The following DYNC2I1 variants were observed in gnomAD, a reference collection of about 807,000 sequenced individuals.
DYNC2I1 encodes dynein 2 intermediate chain 1, also known as cytoplasmic dynein 2 intermediate chain 1.
In DYNC2I1, 89 loss-of-function variants were observed where a neutral mutation model predicts 133.4. That is an observed-to-expected ratio of 0.67 (90% CI 0.56 to 0.80). The LOEUF (loss-of-function observed/expected upper bound fraction) is 0.80. DYNC2I1 is among the 30% of genes least tolerant of loss of function. The pLI is 0.00. For synonymous variants in DYNC2I1, 504 were observed against 484.3 expected (o/e 1.04, Z -0.54); for missense variants, 1,291 against 1,314.5 (o/e 0.98, Z 0.28).
chr7:158,914,800 C>T (rs923229096), intron 14 of DYNC2I1, among the ~76,000 whole-genome samples: 3 of 152,188 alleles, frequency 2.0e-5, no homozygotes, highest in Admixed American at 6.5e-5. Context: ...ACCCCCCTGC[C>T]CACTCCACCA....
intron 24 of DYNC2I1, among the ~76,000 whole-genome samples, chr7:158,942,641 T>G (rs144583447): frequency 9.5e-4 from 145 of 152,382 alleles, no homozygotes; most frequent in African/African-American, 3.4e-3. Flanking sequence ...TATGTTCCTT[T>G]GCCAATCTTA....
At chr7:158,851,124 A>C in the DYNC2I1 span, among the ~76,000 whole-genome samples, 143 of 152,300 alleles carry the variant, frequency 9.4e-4, 2 homozygotes, top group South Asian at 0.012. Flanking sequence ...CTAAATTTGC[A>C]AATTATTTGT....
Position 158,945,448 on chromosome 7 carries a change from T to A in DYNC2I1, c.3003-133T>A. 1 of 987,118 alleles carries A rather than the reference T, an allele frequency of 1.0e-6. No homozygotes were observed. The allele number at this position is 987,118 out of a possible 1,614,324, so 61.1% of individuals were successfully genotyped here. Reference sequence around the variant, plus strand: ...ATTTATTTCTGGTCTAGCTTTCATTTTGGCTATTGGTATTTTTAGAATTTC... The same window carrying A: ...ATTTATTTCTGGTCTAGCTTTCATTATGGCTATTGGTATTTTTAGAATTTC... On this transcript the variant is annotated intron_variant, in intron 24 of 24. Transcript: ENST00000407559. This position sits in a 1 kb window ranked among gnomAD's most constrained non-coding sequence, Gnocchi z 4.1.
rs1849333929 is a variant in DYNC2I1, at chr7:158,923,737, AG to A, written c.2257+5del. 6.2e-7 allele frequency: 1 copy of A among 1,601,480 alleles called. No individual in the cohort carries two copies. The highest frequency in any genetic ancestry group is 8.5e-7 in the Non-Finnish European group (1 of 1,171,972). On this transcript the variant is annotated splice_donor_5th_base_variant and intron_variant, in intron 17 of 24. Coordinates refer to ENST00000407559, the MANE Select transcript of DYNC2I1 (RefSeq NM_018051.5). ...CGGACCGCCACGTTTTCCACCGGTC[AG>A]TGTCATCTGCCTGCCAATTGTGTGT... is the stretch of plus-strand genomic sequence containing the variant.
At chr7:158,935,269 C>G (rs566014523) in intron 23 of DYNC2I1, among the ~76,000 whole-genome samples, 2 of 152,256 alleles carry the variant, frequency 1.3e-5, no homozygotes, top group African/African-American at 4.8e-5. Flanking sequence ...GTCTTCCCCT[C>G]CAGGGCCTGG....
chr7:158,937,994 C>G (rs925043701), intron 23 of DYNC2I1, among the ~76,000 whole-genome samples: 2 of 152,058 alleles, frequency 1.3e-5, no homozygotes. Context: ...CCACAAAAGA[C>G]CAAATCTAAG....
intron 3 of DYNC2I1, 89 bp from the exon 4 acceptor site, chr7:158,876,520 T>A: frequency 7.0e-7 from 1 of 1,426,110 alleles, no homozygotes; most frequent in Non-Finnish European, 9.2e-7. Context: ...GAATATAAAA[T>A]GTGCAATACC....
rs367589644 is a variant in DYNC2I1 at position 158,891,356 on chromosome 7, T to C, written c.1059+23T>C. 110 of 1,613,808 alleles carry C rather than the reference T, an allele frequency of 6.8e-5. No homozygotes were observed. In the East Asian group the frequency reaches 1.0e-3, roughly 15 times the overall value. On this transcript the variant is annotated intron_variant, in intron 8 of 24. Coordinates refer to ENST00000407559, the MANE Select transcript of DYNC2I1 (RefSeq NM_018051.5). The stretch of plus-strand genomic sequence containing the variant: ...GTGGTAAGGAGAGTACGTCTTCTTA[T>C]AGTTTGCAATCCTGTCCCAGCACAG...
chr7:158,877,778 C>T (rs148130168), intron 4 of DYNC2I1, among the ~76,000 whole-genome samples: 1 of 152,126 alleles, frequency 6.6e-6, no homozygotes, highest in Non-Finnish European at 1.5e-5. Flanking sequence ...GATGGTTAAA[C>T]TCTGGTCCCA....
rs558445392 is a variant in DYNC2I1, at chr7:158,945,801, C to T, written c.*22C>T. On this transcript the variant is annotated 3_prime_UTR_variant, in exon 25 of 25. Transcript: ENST00000407559. This position sits in a 1 kb window ranked among gnomAD's most constrained non-coding sequence, Gnocchi z 4.1. Reference sequence around the variant, plus strand: ...GTAGCGGGTGTGGCTGAGAGGACCGCGTTTCTGTAATGACCCAGATTTAAA... The same window carrying T: ...GTAGCGGGTGTGGCTGAGAGGACCGTGTTTCTGTAATGACCCAGATTTAAA... 31 of 1,502,208 alleles carry T rather than the reference C, an allele frequency of 2.1e-5. 2 individuals carry two copies. Among genetic ancestry groups the T allele is most frequent in the South Asian group, 2.0e-4 (15 of 73,192 alleles). The allele number at this position is 1,502,208 out of a possible 1,614,324, so 93.1% of individuals were successfully genotyped here.
the DYNC2I1 span, among the ~76,000 whole-genome samples, chr7:158,846,275 A>G: frequency 5.3e-5 from 8 of 152,310 alleles, no homozygotes; most frequent in African/African-American, 1.7e-4. Context: ...AAATAAATAA[A>G]TAAAATAAAA....
rs370075360 is a variant in DYNC2I1 at position 158,887,023 on chromosome 7, A to T, written c.938A>T (p.His313Leu). The stretch of plus-strand genomic sequence containing the variant: ...TTTTGATTATGTTTGCTTTCCAGGC[A>T]TGCTGAGAATTTAGTAAGGAATCAT... ...SSKRDGTSSQ[H>L]AENLVRNHGK... The change falls in exon 7 of 25, where the codon CAT (histidine) becomes CTT (leucine). Residue 313 changes from histidine to leucine, a missense_variant and splice_region_variant. His to Leu is a moderately conservative substitution (Grantham distance 99). Transcript: ENST00000407559. 3 of 1,613,804 alleles carry T rather than the reference A, an allele frequency of 1.9e-6. No homozygotes were observed. The African/African-American group carries it at 4.0e-5, about 22-fold the overall frequency.
the DYNC2I1 span, among the ~76,000 whole-genome samples, chr7:158,848,871 T>C: frequency 1.9e-4 from 29 of 150,506 alleles, no homozygotes; most frequent in Middle Eastern, 3.6e-3. Flanking sequence ...TGCAGTAAGC[T>C]GAGATTGCGC....
downstream of DYNC2I1, among the ~76,000 whole-genome samples, chr7:158,956,954 G>A (rs926644041): frequency 3.3e-5 from 5 of 152,150 alleles, no homozygotes; most frequent in African/African-American, 9.7e-5. Flanking sequence ...GTGAGCTGCC[G>A]TCCACACTCA....
chr7:158,839,535 TCTGG>T, the DYNC2I1 span, among the ~76,000 whole-genome samples: 3 of 152,272 alleles, frequency 2.0e-5, no homozygotes, highest in East Asian at 1.9e-4. Flanking sequence ...AGATGGGGTC[TCTGG>T]CTGGGCACGG....
At chr7:158,941,876 C>G (rs1563209695) in intron 23 of DYNC2I1, 49 bp from the exon 24 acceptor site, 1 of 1,547,840 alleles carries the variant, frequency 6.5e-7, no homozygotes. Flanking sequence ...GACCCTGTCT[C>G]AAAAAGAAAA....
intron 8 of DYNC2I1, among the ~76,000 whole-genome samples, chr7:158,901,226 A>C (rs1260933175): frequency 2.6e-5 from 4 of 152,158 alleles, no homozygotes; most frequent in Admixed American, 2.0e-4. Flanking sequence ...GCACACCACC[A>C]TGCCCAGCTA....
chr7:158,875,905 A>T lies in DYNC2I1; in HGVS notation c.491-704A>T, dbSNP rs1267627467. Among the ~76,000 whole-genome samples, 4 of 152,152 alleles carry T rather than the reference A, an allele frequency of 2.6e-5. No homozygotes were observed. The East Asian group carries it at 5.8e-4, about 22-fold the overall frequency. On this transcript the variant is annotated intron_variant, in intron 3 of 24. Transcript: ENST00000407559. ...GATATGCAGAAACCCTGAAGGCTGT[A>T]TGAGTTTGGTCTGGTGCCCTCTTGA... is the stretch of plus-strand genomic sequence containing the variant.
chr7:158,945,836 G>A lies in DYNC2I1; in HGVS notation c.*57G>A, dbSNP rs1851836641. 2.8e-6 allele frequency: 4 copies of A among 1,434,848 alleles called. No homozygotes were observed. Among genetic ancestry groups the A allele is most frequent in the Non-Finnish European group, 3.7e-6 (4 of 1,085,462 alleles). The allele number at this position is 1,434,848 out of a possible 1,614,324, so 88.9% of individuals were successfully genotyped here. On this transcript the variant is annotated 3_prime_UTR_variant, in exon 25 of 25. Coordinates refer to ENST00000407559, the MANE Select transcript of DYNC2I1 (RefSeq NM_018051.5). This position sits in a 1 kb window ranked among gnomAD's most constrained non-coding sequence, Gnocchi z 4.1. Reference sequence around the variant, plus strand: ...ATGACCCAGATTTAAAAGACATAAGGTGGATAATTCTACATTTGTGTGCAA... The same window carrying A: ...ATGACCCAGATTTAAAAGACATAAGATGGATAATTCTACATTTGTGTGCAA...
Sources: allele counts gnomAD v4.1 joint callset (sites outside exome capture counted in the v4.1 genomes callset), GRCh38; gene constraint gnomAD v4.1.1; non-coding constraint Gnocchi (gnomAD v3.1); transcripts MANE v1.5; gene names NCBI Gene and HGNC (gene_info 2026-07-23, HGNC 2026-07-21).